The following UGT2A2 variants were observed in gnomAD, a reference collection of about 807,000 sequenced individuals.
The protein encoded by UGT2A2 is UDP-glucuronosyltransferase 2A2.
A neutral mutation model predicts 50.7 loss-of-function variants in UGT2A2; 60 were observed. The ratio of observed to expected loss-of-function variants is 1.18; its 90% CI spans 0.96 to 1.47. The LOEUF (loss-of-function observed/expected upper bound fraction) is 1.47, where lower values mean the gene tolerates loss of function less well. Ranked by LOEUF, UGT2A2 falls within the 40% of genes most tolerant of loss-of-function variation. UGT2A2 has a pLI of 0.00. For synonymous variants in UGT2A2, 242 were observed against 214.6 expected (o/e 1.13, Z -1.11); for missense variants, 762 against 634.0 (o/e 1.20, Z -2.17).
intron 5 of UGT2A2, among the ~76,000 whole-genome samples, chr4:69,593,585 G>C (rs1718712811): frequency 6.6e-6 from 1 of 151,192 alleles, no homozygotes; most frequent in South Asian, 2.1e-4. Flanking sequence ...ACTAAGCTAT[G>C]TATACATAAC....
Position 69,589,474 on chromosome 4 carries a change from G to A in UGT2A2, c.1509C>T (p.Phe503=). 6.2e-7 allele frequency: 1 copy of A among 1,614,026 alleles called. No homozygotes were observed. Among genetic ancestry groups the A allele is most frequent in the Non-Finnish European group, 8.5e-7 (1 of 1,180,018 alleles). ...TAGCCGTTGTCACACAGACCAGCAA[G>A]AACCCAATTACATCCAAAGAGTGGT... ...FQYHSLDVIG[F]LLVCVTTAIF... is the part of the protein sequence containing the mutation. The change falls in exon 6 of 6, where the codon TTC becomes TTT. Residue 503 remains phenylalanine, a synonymous_variant. Coordinates refer to ENST00000604629, the MANE Select transcript of UGT2A2 (RefSeq NM_001105677.2).
chr4:69,630,050 T>G (rs961737518), intron 1 of UGT2A2, among the ~76,000 whole-genome samples: 12 of 152,222 alleles, frequency 7.9e-5, no homozygotes, highest in African/African-American at 2.9e-4. Context: ...TTTCTCATAT[T>G]TAAACGTGAC....
rs769604929 is a variant in UGT2A2, at chr4:69,639,323, A to G, written c.318T>C (p.His106=). 14 of 1,613,578 alleles carry G rather than the reference A, an allele frequency of 8.7e-6. No homozygotes were observed. The highest frequency in any genetic ancestry group is 2.2e-5 in the East Asian group (1 of 44,874). Residue 106 remains histidine, a synonymous_variant, in exon 1 of 6, where the codon CAT becomes CAC. Transcript: ENST00000604629. ...IEHMIMLWID[H]RPTPLTIWAF... ...CCCATATTGTGAGAGGAGTTGGTCTATGGTCAATCCACAGCATTATCATAT... is the reference window on the plus strand; with the variant it reads ...CCCATATTGTGAGAGGAGTTGGTCTGTGGTCAATCCACAGCATTATCATAT...
intron 1 of UGT2A2, among the ~76,000 whole-genome samples, chr4:69,631,090 A>T (rs1721358076): frequency 6.6e-6 from 1 of 152,098 alleles, no homozygotes; most frequent in Non-Finnish European, 1.5e-5. Flanking sequence ...TCATTTGAAA[A>T]AGAGAATCAG....
rs1166136690 is a variant in UGT2A2, at chr4:69,606,053, ATCC to A, written c.743-6662_743-6660del. ...ATTCCAAGCAATAGAAAAAGAGGGAATCCTCCTTAAATCATTTTATGAGTCCAG... is the reference window on the plus strand; with the variant it reads ...ATTCCAAGCAATAGAAAAAGAGGGAATCCTTAAATCATTTTATGAGTCCAG... On this transcript the variant is annotated intron_variant, in intron 1 of 5. Transcript: ENST00000604629. Among the ~76,000 whole-genome samples, 3 of 136,822 alleles carry A rather than the reference ATCC, an allele frequency of 2.2e-5. 1 individual carries two copies. Among genetic ancestry groups the A allele is most frequent in the Admixed American group, 2.2e-4 (3 of 13,924 alleles). 89.8% of individuals were successfully genotyped at this position (136,822 alleles called of 152,430 possible).
chr4:69,607,067 A>G lies in UGT2A2; in HGVS notation c.743-7673T>C, dbSNP rs1577961096. On this transcript the variant is annotated intron_variant, in intron 1 of 5. Transcript: ENST00000604629. ...TTTCTTCACAGAATTGGAAAAAACT[A>G]CTTTAAAGTTCATATGGAACCAAAA... Among the ~76,000 whole-genome samples, 2 of 105,630 alleles carry G rather than the reference A, an allele frequency of 1.9e-5. 1 individual carries two copies. Among genetic ancestry groups the G allele is most frequent in the South Asian group, 6.2e-4 (2 of 3,220 alleles). The allele number at this position is 105,630 out of a possible 152,430, so 69.3% of individuals were successfully genotyped here. A position where few individuals can be genotyped will look rare whatever the true frequency, so the allele number is the denominator to read the frequency against.
chr4:69,596,535 T>A (rs1281735207), intron 2 of UGT2A2, among the ~76,000 whole-genome samples, 154 bp from the exon 3 acceptor site: 1 of 151,952 alleles, frequency 6.6e-6, no homozygotes, highest in African/African-American at 2.4e-5. Context: ...GTTTCTATAT[T>A]TTTTTTTGGC....
At chr4:69,594,152 T>G (rs1216392602) in intron 5 of UGT2A2, among the ~76,000 whole-genome samples, 1 of 151,850 alleles carries the variant, frequency 6.6e-6, no homozygotes, top group Non-Finnish European at 1.5e-5. Context: ...ATTTTTGTAT[T>G]TTTAGTAGAG....
chr4:69,613,725 A>G (rs533756345), intron 1 of UGT2A2, among the ~76,000 whole-genome samples: 1 of 152,176 alleles, frequency 6.6e-6, no homozygotes, highest in East Asian at 1.9e-4. Context: ...GACAAAATCC[A>G]TATGATTATT....
At chr4:69,626,834 C>T (rs182480240) in intron 1 of UGT2A2, among the ~76,000 whole-genome samples, 1 of 151,588 alleles carries the variant, frequency 6.6e-6, no homozygotes, top group East Asian at 1.9e-4. Flanking sequence ...ATTTATTTTG[C>T]TTCTCAAATT....
intron 1 of UGT2A2, among the ~76,000 whole-genome samples, chr4:69,606,238 C>T (rs537015970): frequency 7.3e-6 from 1 of 136,536 alleles, no homozygotes; most frequent in Non-Finnish European, 1.6e-5. Context: ...ATCAAGTGGG[C>T]TTCATCCCTG....
intron 1 of UGT2A2, among the ~76,000 whole-genome samples, chr4:69,611,939 C>T (rs572935718): frequency 4.7e-4 from 72 of 152,196 alleles, no homozygotes; most frequent in African/African-American, 1.6e-3. Flanking sequence ...AATTCCATTA[C>T]ATGGAAATGT....
rs1289491844 is a variant in UGT2A2, at chr4:69,604,826, GCCATTACA to G, written c.743-5440_743-5433del. Among the ~76,000 whole-genome samples, 5 of 136,742 alleles carry G rather than the reference GCCATTACA, an allele frequency of 3.7e-5. 1 individual carries two copies. The highest frequency in any genetic ancestry group is 7.8e-5 in the Non-Finnish European group (5 of 64,272). The allele number at this position is 136,742 out of a possible 152,430, so 89.7% of individuals were successfully genotyped here. The stretch of plus-strand genomic sequence containing the variant: ...CCAAAGATCAAAAGAGACAAAGAAG[GCCATTACA>G]TAATGGTAAAAGGATCAATTCAACA... On this transcript the variant is annotated intron_variant, in intron 1 of 5. Coordinates refer to ENST00000604629, the MANE Select transcript of UGT2A2 (RefSeq NM_001105677.2).
intron 1 of UGT2A2, among the ~76,000 whole-genome samples, chr4:69,628,442 C>T (rs560891776): frequency 1.3e-5 from 2 of 151,736 alleles, no homozygotes; most frequent in South Asian, 2.1e-4. Context: ...AGAAAGAAAC[C>T]TACCCATATA....
At chr4:69,610,223 G>C (rs895365957) in intron 1 of UGT2A2, among the ~76,000 whole-genome samples, 1 of 148,658 alleles carries the variant, frequency 6.7e-6, no homozygotes, top group African/African-American at 2.5e-5. Context: ...AGTCAATCTT[G>C]CATTGTTCTA....
rs1355314158 is a variant in UGT2A2, at chr4:69,639,423, T to C, written c.218A>G (p.Asn73Ser). 4 of 1,613,378 alleles carry C rather than the reference T, an allele frequency of 2.5e-6. No individual in the cohort carries two copies. In the Admixed American group the frequency reaches 6.7e-5, roughly 27 times the overall value. The part of the protein sequence containing the change: ...ASSATLFINS[N>S]PDSPVNFEVI... ...TTCAAAATTCACAGGAGAATCGGGATTGGAGTTGATGAATAGAGTTGCTGA... is the reference window on the plus strand; with the variant it reads ...TTCAAAATTCACAGGAGAATCGGGACTGGAGTTGATGAATAGAGTTGCTGA... The change falls in exon 1 of 6, where the codon AAT (asparagine) becomes AGT (serine). Residue 73 changes from asparagine to serine, a missense_variant. Coordinates refer to ENST00000604629, the MANE Select transcript of UGT2A2 (RefSeq NM_001105677.2).
intron 1 of UGT2A2, among the ~76,000 whole-genome samples, chr4:69,606,049 G>A (rs1719590468): frequency 7.3e-6 from 1 of 136,858 alleles, no homozygotes; most frequent in East Asian, 2.1e-4. Flanking sequence ...TAGAAAAAGA[G>A]GGAATCCTCC....
Position 69,638,985 on chromosome 4 carries a change from A to T in UGT2A2, c.656T>A (p.Ile219Asn), listed in dbSNP as rs754942751. 4 of 1,613,108 alleles carry T rather than the reference A, an allele frequency of 2.5e-6. No homozygotes were observed. The highest frequency in any genetic ancestry group is 3.4e-6 in the Non-Finnish European group (4 of 1,179,476). ...LTDQMTFGER[I>N]KNTISYSLQD... ...CAGAGAATAAGATATGGTATTTTTA[A>T]TCCTTTCACCAAAGGTCATCTGGTC... Residue 219 changes from isoleucine (I) to asparagine (N), a missense_variant, in exon 1 of 6, where the codon ATT becomes AAT. Transcript: ENST00000604629.
In UGT2A2 at chr4:69,599,694, AAAGAGAGAGAGAGAGG is replaced by A. The variant is rs1361802865; in HGVS notation, c.743-316_743-301del. The A allele has an allele frequency of 2.5e-4, 51 of 200,538 alleles. No individual in the cohort carries two copies. In the East Asian group the frequency reaches 4.5e-3, roughly 18 times the overall value. The allele number at this position is 200,538 out of a possible 1,614,324, so 12.4% of individuals were successfully genotyped here. On this transcript the variant is annotated intron_variant, in intron 1 of 5. Transcript: ENST00000604629. Reference sequence around the variant, plus strand: ...AGGGAAGAAAGAGGTAGAAATAAAGAAAGAGAGAGAGAGAGGAAGAGAGAGAGATGGAGAAAAGGAG... The same window carrying A: ...AGGGAAGAAAGAGGTAGAAATAAAGAAAGAGAGAGAGATGGAGAAAAGGAG...
Sources: allele counts gnomAD v4.1 joint callset (sites outside exome capture counted in the v4.1 genomes callset), GRCh38; gene constraint gnomAD v4.1.1; transcripts MANE v1.5; gene names NCBI Gene and HGNC (gene_info 2026-07-23, HGNC 2026-07-21).